The following CLVS2 variants were observed in gnomAD, a reference collection of about 807,000 sequenced individuals.
The protein encoded by CLVS2 is clavesin 2.
Under a neutral mutation model 29.0 loss-of-function variants are expected in CLVS2, and 19 were observed. That is an observed-to-expected ratio of 0.66 (90% confidence interval 0.46 to 0.96). The LOEUF is 0.96. CLVS2 is among the 40% of genes least tolerant of loss of function. CLVS2 has a pLI of 0.00. For synonymous variants in CLVS2, 161 were observed against 151.3 expected (o/e 1.06, Z -0.47); for missense variants, 294 against 404.1 (o/e 0.73, Z 2.34).
chr6:123,060,487 C>G (rs1772758869), intron 5 of CLVS2, among the ~76,000 whole-genome samples: 1 of 152,162 alleles, frequency 6.6e-6, no homozygotes, highest in Admixed American at 6.5e-5. Context: ...GTGCCAAACC[C>G]TGTTCCAATG....
intron 3 of CLVS2, among the ~76,000 whole-genome samples, chr6:123,038,856 C>A (rs1355463316): frequency 6.6e-6 from 1 of 151,986 alleles, no homozygotes; most frequent in Non-Finnish European, 1.5e-5. Context: ...AAAAATGAAA[C>A]AAACATTCTT....
intron 3 of CLVS2, among the ~76,000 whole-genome samples, chr6:123,043,808 C>T (rs1308838809): frequency 6.6e-6 from 1 of 152,044 alleles, no homozygotes; most frequent in African/African-American, 2.4e-5. Flanking sequence ...TAGTATTTAT[C>T]CTAACACATC....
chr6:123,046,214 G>A (rs941937012), intron 3 of CLVS2, among the ~76,000 whole-genome samples: 2 of 152,190 alleles, frequency 1.3e-5, no homozygotes, highest in Non-Finnish European at 2.9e-5. Flanking sequence ...TGCCTCAACT[G>A]TGATTGGGTA....
chr6:123,016,944 G>C (rs976005721), intron 3 of CLVS2, among the ~76,000 whole-genome samples: 4 of 152,044 alleles, frequency 2.6e-5, no homozygotes, highest in Admixed American at 6.6e-5. Flanking sequence ...TGCCAAAAAC[G>C]CAGGACATGC....
intron 5 of CLVS2, among the ~76,000 whole-genome samples, chr6:123,063,226 C>CT (rs960358770): frequency 6.6e-6 from 1 of 151,590 alleles, no homozygotes; most frequent in Non-Finnish European, 1.5e-5. Flanking sequence ...ATTCTTGTTG[C>CT]TTTTTTTTCA....
intron 2 of CLVS2, among the ~76,000 whole-genome samples, chr6:123,008,825 A>G (rs1443662269): frequency 6.6e-6 from 1 of 151,990 alleles, no homozygotes; most frequent in Admixed American, 6.6e-5. Flanking sequence ...GGCCAGCCAT[A>G]AAGGGACTTT....
At chr6:123,007,579 T>G (rs1177026707) in intron 2 of CLVS2, among the ~76,000 whole-genome samples, 1 of 152,298 alleles carries the variant, frequency 6.6e-6, no homozygotes, top group Non-Finnish European at 1.5e-5. Context: ...AGTACATAGT[T>G]GCTATGGGTA....
At chr6:123,060,949 A>G (rs1340119972) in intron 5 of CLVS2, among the ~76,000 whole-genome samples, 2 of 152,238 alleles carry the variant, frequency 1.3e-5, no homozygotes, top group African/African-American at 4.8e-5. Flanking sequence ...CTAAATTACT[A>G]GTTTTCAAGA....
intron 3 of CLVS2, among the ~76,000 whole-genome samples, chr6:123,021,635 T>C (rs1774922754): frequency 6.6e-6 from 1 of 152,142 alleles, no homozygotes; most frequent in South Asian, 2.1e-4. Flanking sequence ...ATCCCATATA[T>C]GTCTTTCCCA....
At chr6:123,022,610 C>A (rs948223646) in intron 3 of CLVS2, among the ~76,000 whole-genome samples, 5 of 151,934 alleles carry the variant, frequency 3.3e-5, no homozygotes, top group African/African-American at 4.8e-5. Flanking sequence ...TTTTTCCCCC[C>A]CCAGGGTAAA....
intron 3 of CLVS2, among the ~76,000 whole-genome samples, chr6:123,034,716 A>T (rs1775126791): frequency 6.6e-6 from 1 of 152,078 alleles, no homozygotes; most frequent in Non-Finnish European, 1.5e-5. Context: ...CACATTCACA[A>T]ATGAGTGCTT....
chr6:123,042,514 A>G (rs1002974963), intron 3 of CLVS2, among the ~76,000 whole-genome samples: 2 of 152,172 alleles, frequency 1.3e-5, no homozygotes, highest in African/African-American at 2.4e-5. Flanking sequence ...TCATGTGTAC[A>G]ATCCCAATTT....
At chr6:123,020,185 T>A (rs1774899591) in intron 3 of CLVS2, among the ~76,000 whole-genome samples, 1 of 152,078 alleles carries the variant, frequency 6.6e-6, no homozygotes, top group African/African-American at 2.4e-5. Flanking sequence ...GGTTGAATAT[T>A]CCTTTATCCA....
intron 5 of CLVS2, among the ~76,000 whole-genome samples, chr6:123,061,397 A>G (rs1444430003): frequency 6.6e-6 from 1 of 152,156 alleles, no homozygotes; most frequent in Non-Finnish European, 1.5e-5. Context: ...ATTCATTAAT[A>G]CTTCTGATCC....
intron 2 of CLVS2, 78 bp from the exon 3 acceptor site, chr6:123,010,907 A>G (rs1774737875): frequency 1.1e-6 from 1 of 924,242 alleles, no homozygotes; most frequent in South Asian, 3.1e-5. Flanking sequence ...GTGAATTTTT[A>G]GTGTGCTAGA....
At chr6:123,015,525 C>T (rs1308981976) in intron 3 of CLVS2, among the ~76,000 whole-genome samples, 1 of 151,996 alleles carries the variant, frequency 6.6e-6, no homozygotes, top group African/African-American at 2.4e-5. Flanking sequence ...CTCCAAAGGC[C>T]AATGTCTTTC....
intron 2 of CLVS2, among the ~76,000 whole-genome samples, chr6:123,007,751 A>T (rs1470283550): frequency 6.6e-6 from 1 of 152,198 alleles, no homozygotes; most frequent in Non-Finnish European, 1.5e-5. Flanking sequence ...TTCAAATTTT[A>T]CTTAATGCTA....
At chr6:123,030,333 TC>T (rs1775065583) in intron 3 of CLVS2, among the ~76,000 whole-genome samples, 1 of 152,188 alleles carries the variant, frequency 6.6e-6, no homozygotes, top group Non-Finnish European at 1.5e-5. Context: ...TGTTTAATCT[TC>T]AGTGGAGTCC....
intron 3 of CLVS2, among the ~76,000 whole-genome samples, chr6:123,014,502 G>A (rs1774798057): frequency 6.6e-6 from 1 of 152,078 alleles, no homozygotes; most frequent in African/African-American, 2.4e-5. Flanking sequence ...AAGGCAGACA[G>A]AACAGGATTT....
Sources: gnomAD v4.1 joint callset for allele counts (sites outside exome capture counted in the v4.1 genomes callset) on GRCh38, gnomAD v4.1.1 for gene constraint, MANE v1.5 for transcripts, NCBI Gene and HGNC (gene_info 2026-07-23, HGNC 2026-07-21) for gene names.